SLC7A10: variants seen among roughly 807,000 people sequenced by gnomAD.
SLC7A10 encodes asc-type amino acid transporter 1.
In SLC7A10, 30 loss-of-function variants were observed where a neutral mutation model predicts 52.7. That is an observed-to-expected ratio of 0.57 (90% CI 0.43 to 0.77). SLC7A10 has a LOEUF of 0.77. Ranked by LOEUF, SLC7A10 falls within the 30% of genes least tolerant of loss-of-function variation. The pLI, the probability that SLC7A10 is intolerant of heterozygous loss-of-function variation, is 0.00. For missense variants in SLC7A10, 581 were observed against 698.5 expected (o/e 0.83, Z 1.90); for synonymous variants, 318 against 314.9 (o/e 1.01, Z -0.10).
intron 1 of SLC7A10, among the ~76,000 whole-genome samples, chr19:33,216,520 C>T (rs537679450): frequency 1.2e-4 from 19 of 152,358 alleles, no homozygotes; most frequent in East Asian, 9.6e-4. Context: ...CATGGAGTGG[C>T]TCAGGAAATA....
intron 5 of SLC7A10, chr19:33,211,756 G>A: frequency 1.2e-6 from 1 of 809,714 alleles, no homozygotes. Flanking sequence ...AGATGGGGGA[G>A]GGGCCCCATC....
rs1260722767 is a variant in SLC7A10 at position 33,213,669 on chromosome 19, C to T, written c.357-667G>A. Among the ~76,000 whole-genome samples the T allele has an allele frequency of 6.6e-5, 10 of 152,232 alleles. No individual in the cohort carries two copies. In the East Asian group the frequency reaches 1.9e-3, roughly 29 times the overall value. ...AGCCAGGGTCCCTGTCCCCAGACCT[C>T]TCGGCTTCAGCCCTGGCTCTCGCAG... On this transcript the variant is annotated intron_variant, in intron 2 of 10. Transcript: ENST00000253188.
intron 7 of SLC7A10, 91 bp downstream of exon 7, chr19:33,211,134 A>C (rs764037613): frequency 8.0e-7 from 1 of 1,250,132 alleles, no homozygotes. Context: ...CTCCCCCGGC[A>C]GGTGTCCCTT....
At chr19:33,223,005 T>C (rs1974845488) in intron 1 of SLC7A10, among the ~76,000 whole-genome samples, 1 of 151,784 alleles carries the variant, frequency 6.6e-6, no homozygotes, top group African/African-American at 2.4e-5. Context: ...CAAACCAAGG[T>C]AGATTATGAA....
In SLC7A10 at chr19:33,208,722, A is replaced by G; in HGVS notation, c.*169T>C. ...CAGGAAGAGCTAGCAGGGCAGTGCTAAGACAGGAAACCCAGTCCACATTTT... is the reference window on the plus strand; with the variant it reads ...CAGGAAGAGCTAGCAGGGCAGTGCTGAGACAGGAAACCCAGTCCACATTTT... On this transcript the variant is annotated 3_prime_UTR_variant, in exon 11 of 11. Coordinates refer to ENST00000253188, the MANE Select transcript of SLC7A10 (RefSeq NM_019849.3). This position sits in a 1 kb window ranked among gnomAD's most constrained non-coding sequence, Gnocchi z 4.7. 1.2e-6 allele frequency: 1 copy of G among 840,014 alleles called. No individual in the cohort carries two copies. The highest frequency in any genetic ancestry group is 1.6e-5 in the South Asian group (1 of 61,394). The allele number at this position is 840,014 out of a possible 1,614,324, so 52.0% of individuals were successfully genotyped here. A position where few individuals can be genotyped will look rare whatever the true frequency, so the allele number is the denominator to read the frequency against.
Position 33,212,883 on chromosome 19 carries a change from G to A in SLC7A10, c.476C>T (p.Thr159Ile). 2 of 1,614,186 alleles carry A rather than the reference G, an allele frequency of 1.2e-6. No homozygotes were observed. The highest frequency in any genetic ancestry group is 1.7e-6 in the Non-Finnish European group (2 of 1,180,024). Residue 159 changes from threonine (T) to isoleucine (I), a missense_variant, in exon 3 of 11, where the codon ACA becomes ATA. Thr to Ile is a moderately conservative substitution (Grantham distance 89). Coordinates refer to ENST00000253188, the MANE Select transcript of SLC7A10 (RefSeq NM_019849.3). ...GGCCATGGACAGCACCCGGGAGGCT[G>A]TGGTGGGGGGGATGCAGTTGGGGAA... ...PVFPNCIPPTTASRVLSMACL... is the reference protein window; with the variant it reads ...PVFPNCIPPTIASRVLSMACL...
Position 33,209,299 on chromosome 19 carries a change from C to G in SLC7A10, c.1441+9G>C. 1.9e-6 allele frequency: 3 copies of G among 1,613,774 alleles called. No homozygotes were observed. The South Asian group carries it at 3.3e-5, about 18-fold the overall frequency. ...CCTGTGCTGGGTGACCTGCAGCTGC[C>G]CGGCTCACCTGTGAGTCTGTGCACA... On this transcript the variant is annotated intron_variant, in intron 10 of 10. Coordinates refer to ENST00000253188, the MANE Select transcript of SLC7A10 (RefSeq NM_019849.3).
chr19:33,210,941 C>T lies in SLC7A10; in HGVS notation c.1017-43G>A. ...TATGGGCACTGGCCACATCCTGGGT[C>T]TCAGCTTTGGACCTGATGTCCCTCT... is the stretch of plus-strand genomic sequence containing the variant. On this transcript the variant is annotated intron_variant, in intron 7 of 10. Coordinates refer to ENST00000253188, the MANE Select transcript of SLC7A10 (RefSeq NM_019849.3). The surrounding 1 kb of genome is among the most constrained non-coding windows in gnomAD (Gnocchi z 5.6). 6.3e-7 allele frequency: 1 copy of T among 1,585,250 alleles called. No individual in the cohort carries two copies.
At position 33,211,535 on chromosome 19, in the gene SLC7A10, T is replaced by A; in HGVS notation, c.791A>T (p.Asn264Ile). ...GGAGATGAAGATGGCGCGAGGTAGG[T>A]TCCTGGTGACAGGCAGTGGAGTGCG... is the stretch of plus-strand genomic sequence containing the variant. Reference protein sequence around the residue: ...VTEEMVDARKNLPRAIFISIP... With the variant: ...VTEEMVDARKILPRAIFISIP... Residue 264 changes from asparagine (N) to isoleucine (I), a missense_variant and splice_region_variant, in exon 6 of 11, where the codon AAC becomes ATC. Physicochemically the swap from Asn to Ile is moderately radical, Grantham distance 149. Coordinates refer to ENST00000253188, the MANE Select transcript of SLC7A10 (RefSeq NM_019849.3). 5 of 1,613,758 alleles carry A rather than the reference T, an allele frequency of 3.1e-6. No individual in the cohort carries two copies. Among genetic ancestry groups the A allele is most frequent in the Non-Finnish European group, 4.2e-6 (5 of 1,179,936 alleles).
rs200389697 is a variant in SLC7A10, at chr19:33,209,360, G to A, written c.1389C>T (p.Phe463=). 4 of 1,613,944 alleles carry A rather than the reference G, an allele frequency of 2.5e-6. No individual in the cohort carries two copies. The highest frequency in any genetic ancestry group is 3.4e-6 in the Non-Finnish European group (4 of 1,180,028). ...TGCTTCTCCAGAACACTCCCAGAAA[G>A]AAAATGGGCACCCCCGTAAGGATGA... The part of the protein sequence containing the change: ...VIIILTGVPI[F]FLGVFWRSKP... The change falls in exon 10 of 11, where the codon TTC becomes TTT. Residue 463 remains phenylalanine, a synonymous_variant. Coordinates refer to ENST00000253188, the MANE Select transcript of SLC7A10 (RefSeq NM_019849.3).
At chr19:33,214,756 T>C (rs1221925794) in intron 2 of SLC7A10, among the ~76,000 whole-genome samples, 1 of 152,170 alleles carries the variant, frequency 6.6e-6, no homozygotes, top group Non-Finnish European at 1.5e-5. Context: ...CGCACACCGT[T>C]CTCTTTGCTG....
chr19:33,211,797 C>T, intron 5 of SLC7A10: 1 of 581,454 alleles, frequency 1.7e-6, no homozygotes, highest in Non-Finnish European at 3.0e-6. Flanking sequence ...GATGTCTGTG[C>T]AGAAAGATAA....
chr19:33,223,327 AAG>A (rs1225841655), intron 1 of SLC7A10, among the ~76,000 whole-genome samples: 21 of 143,416 alleles, frequency 1.5e-4, no homozygotes, highest in Non-Finnish European at 2.0e-4. Context: ...AAAAAAAAAA[AAG>A]AAAGAAAAAG....
At chr19:33,212,702 G>A in intron 3 of SLC7A10, 63 bp from the exon 4 acceptor site, 1 of 1,612,248 alleles carries the variant, frequency 6.2e-7, no homozygotes, top group East Asian at 2.2e-5. Flanking sequence ...CCATGGCCAA[G>A]TCCAGCCCAG....
rs879875581 is a variant in SLC7A10 at position 33,215,874 on chromosome 19, C to T, written c.251G>A (p.Gly84Asp). The change falls in exon 2 of 11, where the codon GGC becomes GAC. Residue 84 changes from glycine to aspartate, a missense_variant. Physicochemically the swap from Gly to Asp is moderately conservative, Grantham distance 94 (BLOSUM62 -1). Coordinates refer to ENST00000253188, the MANE Select transcript of SLC7A10 (RefSeq NM_019849.3). Reference sequence around the variant, plus strand: ...GCAGAGGGAGCCCAGAGCCGTCACGCCCCCACCCAGGACCCAGACGAACAG... The same window carrying T: ...GCAGAGGGAGCCCAGAGCCGTCACGTCCCCACCCAGGACCCAGACGAACAG... ...LALFVWVLGG[G>D]VTALGSLCYA... The T allele has an allele frequency of 1.9e-6, 3 of 1,608,832 alleles. No individual in the cohort carries two copies. Among genetic ancestry groups the T allele is most frequent in the East Asian group, 2.2e-5 (1 of 44,720 alleles).
chr19:33,208,786 TTTC>T lies in SLC7A10; in HGVS notation c.*102_*104del, dbSNP rs1974463978. 2.0e-6 allele frequency: 3 copies of T among 1,509,572 alleles called. No homozygotes were observed. Among genetic ancestry groups the T allele is most frequent in the African/African-American group, 1.4e-5 (1 of 72,722 alleles). The allele number at this position is 1,509,572 out of a possible 1,614,324, so 93.5% of individuals were successfully genotyped here. The stretch of plus-strand genomic sequence containing the variant: ...ACAGGCTTCTGAGAGTCGTATCTTT[TTTC>T]TTTTTTTTCCAGAAAAAAACAAAAC... On this transcript the variant is annotated 3_prime_UTR_variant, in exon 11 of 11. Transcript: ENST00000253188. This position sits in a 1 kb window ranked among gnomAD's most constrained non-coding sequence, Gnocchi z 4.7.
rs1296649996 is a variant in SLC7A10 at position 33,225,544 on chromosome 19, C to T, written c.151+9G>A. On this transcript the variant is annotated intron_variant, in intron 1 of 10. Transcript: ENST00000253188. ...CCGCCCGGCGCCCGCCCGCCTGGGTCCCGCTCACCGATGATGATGGTGCAG... is the reference window on the plus strand; with the variant it reads ...CCGCCCGGCGCCCGCCCGCCTGGGTTCCGCTCACCGATGATGATGGTGCAG... 1.9e-6 allele frequency: 3 copies of T among 1,596,248 alleles called. No homozygotes were observed. The highest frequency in any genetic ancestry group is 1.7e-5 in the Admixed American group (1 of 59,968).
At chr19:33,218,899 T>C (rs1482435333) in intron 1 of SLC7A10, among the ~76,000 whole-genome samples, 1 of 151,342 alleles carries the variant, frequency 6.6e-6, no homozygotes, top group Non-Finnish European at 1.5e-5. Flanking sequence ...TCCCAGACTC[T>C]GTATTTCAGC....
At position 33,212,992 on chromosome 19, in the gene SLC7A10, G is replaced by A. The variant is rs1303520600; in HGVS notation, c.367C>T (p.Leu123Phe). The A allele has an allele frequency of 6.2e-7, 1 of 1,607,668 alleles. No individual in the cohort carries two copies. The highest frequency in any genetic ancestry group is 1.7e-5 in the Admixed American group (1 of 58,318). Residue 123 changes from leucine to phenylalanine, a missense_variant, in exon 3 of 11, where the codon CTC (leucine) becomes TTC (phenylalanine). Transcript: ENST00000253188. ...TACATGATGAGGACGGCGCTCCAGAGCAGCAGAAAGCTGGAAGGAGCAGGG... is the reference window on the plus strand; with the variant it reads ...TACATGATGAGGACGGCGCTCCAGAACAGCAGAAAGCTGGAAGGAGCAGGG... ...IFGGLAGFLL[L>F]WSAVLIMYPT... is the part of the protein sequence containing the mutation.
Sources: gnomAD v4.1 joint callset for allele counts (sites outside exome capture counted in the v4.1 genomes callset) on GRCh38, gnomAD v4.1.1 for gene constraint, Gnocchi (gnomAD v3.1) non-coding constraint, MANE v1.5 for transcripts, NCBI Gene and HGNC (gene_info 2026-07-23, HGNC 2026-07-21) for gene names.